Variants in ABHD5 observed in about 807,000 individuals in gnomAD.
ABHD5 encodes abhydrolase domain containing 5, lysophosphatidic acid acyltransferase.
Under a neutral mutation model 44.9 loss-of-function variants are expected in ABHD5, and 30 were observed. The observed-to-expected ratio is 0.67, with a 90% CI of 0.50 to 0.91. The LOEUF (loss-of-function observed/expected upper bound fraction) is 0.91. ABHD5 is among the 40% of genes least tolerant of loss of function. ABHD5 has a pLI of 0.00. For synonymous variants in ABHD5, 167 were observed against 147.0 expected (o/e 1.14, Z -0.99); for missense variants, 399 against 423.4 (o/e 0.94, Z 0.50).
In ABHD5 at chr3:43,690,941, C is replaced by A. The variant is rs868447486; in HGVS notation, c.-52C>A. On this transcript the variant is annotated 5_prime_UTR_variant, in exon 1 of 7. Coordinates refer to ENST00000644371, the MANE Select transcript of ABHD5 (RefSeq NM_016006.6). ...CCGCGCCAGCCCGGGGCGGCCCAGT[C>A]GGCCTGTCAGCCGGCTTCGAGATAA... 5 of 1,538,024 alleles carry A rather than the reference C, an allele frequency of 3.3e-6. No homozygotes were observed. In the Admixed American group the frequency reaches 5.8e-5, roughly 18 times the overall value.
At chr3:43,731,516 C>T (rs747476457) in intron 7 of ABHD5, among the ~76,000 whole-genome samples, 13 of 152,246 alleles carry the variant, frequency 8.5e-5, no homozygotes, top group Admixed American at 2.6e-4. Context: ...ATAATAAAAG[C>T]GTGGGGCTGC....
chr3:43,715,538 T>C (rs2084753473), intron 5 of ABHD5, among the ~76,000 whole-genome samples: 1 of 152,200 alleles, frequency 6.6e-6, no homozygotes, highest in African/African-American at 2.4e-5. Flanking sequence ...GACAAGTGTC[T>C]AATACATTTT....
At position 43,714,816 on chromosome 3, in the gene ABHD5, A is replaced by T; in HGVS notation, c.662-131A>T. 3 of 621,194 alleles carry T rather than the reference A, an allele frequency of 4.8e-6. No individual in the cohort carries two copies. The East Asian group carries it at 9.8e-5, about 20-fold the overall frequency. The allele number at this position is 621,194 out of a possible 1,614,324, so 38.5% of individuals were successfully genotyped here. On this transcript the variant is annotated intron_variant, in intron 4 of 6. Coordinates refer to ENST00000644371, the MANE Select transcript of ABHD5 (RefSeq NM_016006.6). Reference sequence around the variant, plus strand: ...GTGCTTTTTCCCACCTACAATATATATTTGAATACATATATATATGTGTGC... The same window carrying T: ...GTGCTTTTTCCCACCTACAATATATTTTTGAATACATATATATATGTGTGC...
chr3:43,699,585 A>G, intron 2 of ABHD5: 1 of 510,544 alleles, frequency 2.0e-6, no homozygotes, highest in Non-Finnish European at 3.6e-6. Flanking sequence ...CTCTTAAATT[A>G]GTAAGGACCC....
rs1023176610 is a variant in ABHD5 at position 43,718,659 on chromosome 3, A to G, written c.*127A>G. ...CAGCCTTCTTGACTATACTTTGCAC[A>G]TGTTTTCTTTAGGAATTCACTCACA... On this transcript the variant is annotated 3_prime_UTR_variant, in exon 7 of 7. Coordinates refer to ENST00000644371, the MANE Select transcript of ABHD5 (RefSeq NM_016006.6). 1.0e-5 allele frequency: 9 copies of G among 901,932 alleles called. No individual in the cohort carries two copies. Among genetic ancestry groups the G allele is most frequent in the Middle Eastern group, 2.1e-4 (1 of 4,728 alleles). The allele number at this position is 901,932 out of a possible 1,614,324, so 55.9% of individuals were successfully genotyped here.
intron 7 of ABHD5, among the ~76,000 whole-genome samples, chr3:43,729,935 CATATT>C (rs1157131438): frequency 1.4e-4 from 21 of 152,220 alleles, no homozygotes; most frequent in Non-Finnish European, 2.6e-4. Flanking sequence ...GCAAAGTAAA[CATATT>C]GTATTGTTGC....
chr3:43,705,503 A>C (rs2084607513), intron 3 of ABHD5, among the ~76,000 whole-genome samples: 1 of 152,228 alleles, frequency 6.6e-6, no homozygotes, highest in African/African-American at 2.4e-5. Flanking sequence ...TTACAGAATT[A>C]AGCAAATTGA....
chr3:43,706,975 G>A (rs1195087550), intron 3 of ABHD5, among the ~76,000 whole-genome samples: 1 of 152,146 alleles, frequency 6.6e-6, no homozygotes, highest in Non-Finnish European at 1.5e-5. Context: ...TTATAGGACA[G>A]TTTGAAGAGA....
downstream of ABHD5, among the ~76,000 whole-genome samples, chr3:43,724,178 A>C (rs898959477): frequency 3.3e-5 from 5 of 152,184 alleles, no homozygotes; most frequent in African/African-American, 1.2e-4. Context: ...ATAGGAAAAG[A>C]GATTGGATAA....
chr3:43,690,942 G>A lies in ABHD5; in HGVS notation c.-51G>A, dbSNP rs1399819007. The A allele has an allele frequency of 6.5e-7, 1 of 1,539,674 alleles. No homozygotes were observed. The highest frequency in any genetic ancestry group is 8.7e-7 in the Non-Finnish European group (1 of 1,149,020). ...CGCGCCAGCCCGGGGCGGCCCAGTC[G>A]GCCTGTCAGCCGGCTTCGAGATAAG... is the stretch of plus-strand genomic sequence containing the variant. On this transcript the variant is annotated 5_prime_UTR_variant, in exon 1 of 7. Coordinates refer to ENST00000644371, the MANE Select transcript of ABHD5 (RefSeq NM_016006.6).
chr3:43,728,657 T>G (rs766798024), intron 7 of ABHD5, among the ~76,000 whole-genome samples: 13 of 152,236 alleles, frequency 8.5e-5, no homozygotes, highest in Non-Finnish European at 4.4e-5. Context: ...ACCGCTGTGA[T>G]GTCTGCCTCA....
rs1298648783 is a variant in ABHD5, at chr3:43,699,236, A to G, written c.48-40A>G. The stretch of plus-strand genomic sequence containing the variant: ...GTGACAATTGGTAGTTGAGAAGAGC[A>G]TGAACTCACCTATTTGTTATTTTGT... On this transcript the variant is annotated intron_variant, in intron 1 of 6. Coordinates refer to ENST00000644371, the MANE Select transcript of ABHD5 (RefSeq NM_016006.6). 4 of 1,529,518 alleles carry G rather than the reference A, an allele frequency of 2.6e-6. No individual in the cohort carries two copies. The South Asian group carries it at 3.4e-5, about 13-fold the overall frequency. 94.7% of individuals were successfully genotyped at this position (1,529,518 alleles called of 1,614,324 possible).
chr3:43,690,989 G>C lies in ABHD5; in HGVS notation c.-4G>C. The C allele has an allele frequency of 6.4e-7, 1 of 1,573,076 alleles. No individual in the cohort carries two copies. Among genetic ancestry groups the C allele is most frequent in the Non-Finnish European group, 8.6e-7 (1 of 1,162,806 alleles). On this transcript the variant is annotated 5_prime_UTR_variant, in exon 1 of 7. Coordinates refer to ENST00000644371, the MANE Select transcript of ABHD5 (RefSeq NM_016006.6). ...TAAGTCCCGGCGCTTGCGCGGCGGC[G>C]GCTATGGCGGCGGAGGAGGAGGAGG...
chr3:43,730,297 T>A (rs1200152864), intron 7 of ABHD5, among the ~76,000 whole-genome samples: 1 of 152,192 alleles, frequency 6.6e-6, no homozygotes, highest in Admixed American at 6.5e-5. Flanking sequence ...TGAGGAATGC[T>A]CTTGGCTGAT....
At chr3:43,694,482 G>T (rs1358131941) in intron 1 of ABHD5, among the ~76,000 whole-genome samples, 1 of 152,040 alleles carries the variant, frequency 6.6e-6, no homozygotes, top group Non-Finnish European at 1.5e-5. Context: ...TTATTATCTA[G>T]TGAATGAACT....
chr3:43,717,199 A>C (rs897429278), intron 5 of ABHD5, among the ~76,000 whole-genome samples: 3 of 133,840 alleles, frequency 2.2e-5, no homozygotes, highest in Admixed American at 7.5e-5. Flanking sequence ...AAACAAAAAA[A>C]AAAAATGAAT....
chr3:43,714,768 TAGG>T (rs549284680), intron 4 of ABHD5, among the ~76,000 whole-genome samples, 176 bp from the exon 5 acceptor site: 3 of 152,172 alleles, frequency 2.0e-5, no homozygotes, highest in African/African-American at 7.2e-5. Context: ...TGGGGAACTT[TAGG>T]AGGACAGCTA....
chr3:43,709,719 C>A (rs972431209), intron 3 of ABHD5, among the ~76,000 whole-genome samples: 1 of 152,098 alleles, frequency 6.6e-6, no homozygotes, highest in Non-Finnish European at 1.5e-5. Context: ...CTCTTCCTTC[C>A]CCTACCCCAG....
intron 3 of ABHD5, among the ~76,000 whole-genome samples, chr3:43,710,322 G>C (rs2084671250): frequency 6.6e-6 from 1 of 152,124 alleles, no homozygotes; most frequent in South Asian, 2.1e-4. Flanking sequence ...AGTTGATAAA[G>C]GTTAAGTTTT....
Sources: allele counts gnomAD v4.1 joint callset (sites outside exome capture counted in the v4.1 genomes callset), GRCh38; gene constraint gnomAD v4.1.1; transcripts MANE v1.5; gene names NCBI Gene and HGNC (gene_info 2026-07-23, HGNC 2026-07-21).